The following PDPK1 variants were observed in gnomAD, a reference collection of about 807,000 sequenced individuals.
PDPK1 encodes the protein 3-phosphoinositide dependent protein kinase 1, also known as 3-phosphoinositide-dependent protein kinase 1.
In PDPK1, 7 loss-of-function variants were observed where a neutral mutation model predicts 39.8. That is an observed-to-expected ratio of 0.18 (90% CI 0.10 to 0.33). The LOEUF (loss-of-function observed/expected upper bound fraction) is 0.33, where lower values mean the gene tolerates loss of function less well. Ranked by LOEUF, PDPK1 falls within the 10% of genes least tolerant of loss-of-function variation. The probability of loss-of-function intolerance (pLI) is 1.00; values close to 1 mark genes in which losing one functional copy is unlikely to be tolerated. For missense variants in PDPK1, 182 were observed against 384.7 expected (o/e 0.47, Z 4.41); for synonymous variants, 118 against 159.1 (o/e 0.74, Z 1.95).
chr16:2,595,706 TATG>T, intron 11 of PDPK1, 84 bp from the exon 12 acceptor site: 1 of 1,057,632 alleles, frequency 9.5e-7, no homozygotes, highest in Non-Finnish European at 1.5e-6. Flanking sequence ...AGGCCGAGGC[TATG>T]GGGAGTTCGT....
chr16:2,585,838 G>C (rs929283219), intron 10 of PDPK1, among the ~76,000 whole-genome samples: 1 of 152,236 alleles, frequency 6.6e-6, no homozygotes, highest in East Asian at 1.9e-4. Flanking sequence ...TGGGGCAGCA[G>C]CCAGGGCCTG....
chr16:2,602,375 T>G lies in PDPK1; in HGVS notation c.*4608T>G, dbSNP rs1433621006. On this transcript the variant is annotated 3_prime_UTR_variant, in exon 14 of 14. Coordinates refer to ENST00000342085, the MANE Select transcript of PDPK1 (RefSeq NM_002613.5). ...AAGCTGTTTCCAACAAAGAGCACTT[T>G]CATCTGTTGAGATGGCTGTGGTGAG... 8.5e-6 allele frequency: 2 copies of G among 234,882 alleles called. No homozygotes were observed. The highest frequency in any genetic ancestry group is 8.5e-6 in the Non-Finnish European group (1 of 118,096). The allele number at this position is 234,882 out of a possible 1,614,324, so 14.5% of individuals were successfully genotyped here.
rs2067250810 is a variant in PDPK1 at position 2,603,042 on chromosome 16, T to C, written c.*5275T>C. 4.4e-6 allele frequency: 1 copy of C among 229,044 alleles called. No individual in the cohort carries two copies. Among genetic ancestry groups the C allele is most frequent in the South Asian group, 1.8e-4 (1 of 5,500 alleles). The allele number at this position is 229,044 out of a possible 1,614,324, so 14.2% of individuals were successfully genotyped here. On this transcript the variant is annotated 3_prime_UTR_variant, in exon 14 of 14. Transcript: ENST00000342085. ...TTCTGGCTTTATTATATAAATTTTC[T>C]ATTGGGTCAGTGATTTAATCATATA...
intron 11 of PDPK1, among the ~76,000 whole-genome samples, chr16:2,595,524 CG>C (rs1567170622): frequency 4.6e-5 from 7 of 152,216 alleles, no homozygotes; most frequent in African/African-American, 1.7e-4. Flanking sequence ...ACCTTTTCCC[CG>C]CTGTGTGGAT....
intron 1 of PDPK1, among the ~76,000 whole-genome samples, chr16:2,542,827 G>A (rs866449216): frequency 1.3e-5 from 2 of 151,898 alleles, no homozygotes; most frequent in South Asian, 2.1e-4. Context: ...GGAGGTCCCC[G>A]TCTCCTGCGT....
At chr16:2,545,960 T>G (rs1227713054) in intron 1 of PDPK1, among the ~76,000 whole-genome samples, 3 of 152,168 alleles carry the variant, frequency 2.0e-5, no homozygotes, top group Admixed American at 1.3e-4. Flanking sequence ...AATATGAGGG[T>G]AGTTGTCTCG....
At position 2,598,783 on chromosome 16, in the gene PDPK1, C is replaced by A; in HGVS notation, c.*1016C>A. The A allele has an allele frequency of 4.3e-6, 1 of 233,352 alleles. No homozygotes were observed. Among genetic ancestry groups the A allele is most frequent in the Non-Finnish European group, 8.5e-6 (1 of 118,106 alleles). 14.5% of individuals were successfully genotyped at this position (233,352 alleles called of 1,614,324 possible). On this transcript the variant is annotated 3_prime_UTR_variant, in exon 14 of 14. Transcript: ENST00000342085. ...GAGAGAACCCTGGCATCAGCAGACC[C>A]AGGGTGCTTCTGTCTCCTGCAGACC...
chr16:2,545,817 T>G (rs1370140553), intron 1 of PDPK1, among the ~76,000 whole-genome samples: 1 of 152,142 alleles, frequency 6.6e-6, no homozygotes, highest in Non-Finnish European at 1.5e-5. Context: ...TTTTAAAATT[T>G]TTTGTACAGA....
Position 2,597,935 on chromosome 16 carries a change from A to C in PDPK1, c.*168A>C. 2 of 590,852 alleles carry C rather than the reference A, an allele frequency of 3.4e-6. No homozygotes were observed. The highest frequency in any genetic ancestry group is 4.2e-5 in the South Asian group (2 of 47,172). The allele number at this position is 590,852 out of a possible 1,614,324, so 36.6% of individuals were successfully genotyped here. ...AAGAAAAGAAGAAAAAAAACACCCA[A>C]CCACACAAAGAACAAAACCAGTAAC... On this transcript the variant is annotated 3_prime_UTR_variant, in exon 14 of 14. Coordinates refer to ENST00000342085, the MANE Select transcript of PDPK1 (RefSeq NM_002613.5). This position sits in a 1 kb window ranked among gnomAD's most constrained non-coding sequence, Gnocchi z 6.3.
At position 2,602,944 on chromosome 16, in the gene PDPK1, C is replaced by A. The variant is rs2067248255; in HGVS notation, c.*5177C>A. Reference sequence around the variant, plus strand: ...ATTTGAATTGAATTCATGTTCGGGGCCACGTTGTTGTATGTATTGATGTAC... The same window carrying A: ...ATTTGAATTGAATTCATGTTCGGGGACACGTTGTTGTATGTATTGATGTAC... On this transcript the variant is annotated 3_prime_UTR_variant, in exon 14 of 14. Transcript: ENST00000342085. 1 of 232,218 alleles carries A rather than the reference C, an allele frequency of 4.3e-6. No individual in the cohort carries two copies. The highest frequency in any genetic ancestry group is 2.2e-5 in the African/African-American group (1 of 45,348). 14.4% of individuals were successfully genotyped at this position (232,218 alleles called of 1,614,324 possible). A position where few individuals can be genotyped will look rare whatever the true frequency, so the allele number is the denominator to read the frequency against.
Position 2,602,738 on chromosome 16 carries a change from T to C in PDPK1, c.*4971T>C, listed in dbSNP as rs959329126. ...CAAGCAGAACATGCGTAATATTCTC[T>C]ACCTGGTCTGTAGCTGTAACTGTGA... On this transcript the variant is annotated 3_prime_UTR_variant, in exon 14 of 14. Transcript: ENST00000342085. The C allele has an allele frequency of 5.5e-5, 13 of 234,648 alleles. No homozygotes were observed. Among genetic ancestry groups the C allele is most frequent in the Non-Finnish European group, 9.3e-5 (11 of 118,034 alleles). 14.5% of individuals were successfully genotyped at this position (234,648 alleles called of 1,614,324 possible). A position where few individuals can be genotyped will look rare whatever the true frequency, so the allele number is the denominator to read the frequency against.
rs970765798 is a variant in PDPK1, at chr16:2,598,179, C to T, written c.*412C>T. On this transcript the variant is annotated 3_prime_UTR_variant, in exon 14 of 14. Coordinates refer to ENST00000342085, the MANE Select transcript of PDPK1 (RefSeq NM_002613.5). ...CTGGTCCTGCTGTGGCCGAGGGGACCGGGTGTGTTTGGCTCTTTATGCCCC... is the reference window on the plus strand; with the variant it reads ...CTGGTCCTGCTGTGGCCGAGGGGACTGGGTGTGTTTGGCTCTTTATGCCCC... 4.1e-5 allele frequency: 10 copies of T among 245,034 alleles called. No individual in the cohort carries two copies. Among genetic ancestry groups the T allele is most frequent in the African/African-American group, 1.3e-4 (6 of 45,604 alleles). The allele number at this position is 245,034 out of a possible 1,614,324, so 15.2% of individuals were successfully genotyped here.
rs551935898 is a variant in PDPK1 at position 2,602,043 on chromosome 16, C to T, written c.*4276C>T. 6.0e-4 allele frequency: 141 copies of T among 234,424 alleles called. No homozygotes were observed. The highest frequency in any genetic ancestry group is 3.0e-3 in the African/African-American group (135 of 45,386). 14.5% of individuals were successfully genotyped at this position (234,424 alleles called of 1,614,324 possible). A position where few individuals can be genotyped will look rare whatever the true frequency, so the allele number is the denominator to read the frequency against. ...TGCCCTCTGAAGCCTGAGGGCCCCC[C>T]CTTGCCTGGCTGGTTGACAGACCCG... On this transcript the variant is annotated 3_prime_UTR_variant, in exon 14 of 14. Transcript: ENST00000342085.
chr16:2,551,531 C>T (rs1225324964), intron 1 of PDPK1, among the ~76,000 whole-genome samples: 1 of 151,248 alleles, frequency 6.6e-6, no homozygotes, highest in African/African-American at 2.4e-5. Context: ...CACTGCATTC[C>T]CAGGCTCCAG....
At chr16:2,539,508 A>G (rs1004241990) in intron 1 of PDPK1, 1 of 152,134 alleles carries the variant, frequency 6.6e-6, no homozygotes, top group Non-Finnish European at 1.5e-5. Flanking sequence ...AGTGACGCTG[A>G]ATTTTGTAAC....
At position 2,593,217 on chromosome 16, in the gene PDPK1, G is replaced by T. The variant is rs1826417496; in HGVS notation, c.1344-2576G>T. On this transcript the variant is annotated intron_variant, in intron 11 of 13. Transcript: ENST00000342085. This position sits in a 1 kb window ranked among gnomAD's most constrained non-coding sequence, Gnocchi z 4.2. ...CAATGTCTTCATTTAGGGCCATTGA[G>T]AGTTTCTTGTGTCACTGAATTCCTC... The T allele has an allele frequency of 2.6e-6, 1 of 384,948 alleles. No individual in the cohort carries two copies. Among genetic ancestry groups the T allele is most frequent in the Admixed American group, 3.5e-5 (1 of 28,282 alleles). 23.8% of individuals were successfully genotyped at this position (384,948 alleles called of 1,614,324 possible).
chr16:2,542,775 T>A (rs1223990955), intron 1 of PDPK1, among the ~76,000 whole-genome samples: 5 of 151,876 alleles, frequency 3.3e-5, no homozygotes, highest in Admixed American at 2.0e-4. Context: ...TATTTAAAGA[T>A]GAGGTTTGAA....
intron 1 of PDPK1, among the ~76,000 whole-genome samples, chr16:2,547,076 A>C (rs1299261115): frequency 2.7e-5 from 4 of 148,260 alleles, no homozygotes; most frequent in Non-Finnish European, 5.9e-5. Context: ...CAGTCTTTGG[A>C]AGAATGGAGC....
chr16:2,538,364 C>T (rs1488359162), intron 1 of PDPK1: 4 of 383,030 alleles, frequency 1.0e-5, no homozygotes, highest in Non-Finnish European at 2.0e-5. Context: ...GCCGGGGGCG[C>T]TGACAGACGC....
Sources: gnomAD v4.1 joint callset for allele counts (sites outside exome capture counted in the v4.1 genomes callset) on GRCh38, gnomAD v4.1.1 for gene constraint, Gnocchi (gnomAD v3.1) non-coding constraint, MANE v1.5 for transcripts, NCBI Gene and HGNC (gene_info 2026-07-23, HGNC 2026-07-21) for gene names.